Variants in BTBD16 observed in about 807,000 individuals in gnomAD.
BTBD16 encodes the protein BTB domain containing 16, also known as BTB/POZ domain-containing protein 16.
A neutral mutation model predicts 67.4 loss-of-function variants in BTBD16; 66 were observed. That is an observed-to-expected ratio of 0.98 (90% confidence interval 0.80 to 1.20). The LOEUF (loss-of-function observed/expected upper bound fraction) is 1.20, where lower values mean the gene tolerates loss of function less well. Among genes scored for constraint, BTBD16 ranks in the 50% most tolerant of loss-of-function variants. BTBD16 has a pLI of 0.00. For synonymous variants in BTBD16, 242 were observed against 236.4 expected (o/e 1.02, Z -0.22); for missense variants, 634 against 616.0 (o/e 1.03, Z -0.31).
chr10:122,312,309 CTTTTTTT>C (rs58045019), intron 10 of BTBD16, among the ~76,000 whole-genome samples: 39 of 105,592 alleles, frequency 3.7e-4, no homozygotes, highest in Admixed American at 6.2e-4. Context: ...TTTTCTTTTT[CTTTTTTT>C]TTTTTTTTTT....
intron 10 of BTBD16, among the ~76,000 whole-genome samples, chr10:122,318,287 A>G (rs1225271272): frequency 3.9e-5 from 6 of 151,910 alleles, no homozygotes; most frequent in Non-Finnish European, 2.9e-5. Flanking sequence ...ATAATTATTC[A>G]GAGATTCACC....
At chr10:122,330,610 A>G (rs1565029542) in intron 11 of BTBD16, among the ~76,000 whole-genome samples, 3 of 152,204 alleles carry the variant, frequency 2.0e-5, no homozygotes, top group Non-Finnish European at 4.4e-5. Flanking sequence ...TAAATTGTAC[A>G]TTAATATGTA....
In BTBD16 at chr10:122,271,308, G is replaced by A. The variant is rs1018491292; in HGVS notation, c.-249G>A. The A allele has an allele frequency of 6.6e-6, 1 of 152,274 alleles. No homozygotes were observed. The highest frequency in any genetic ancestry group is 1.5e-5 in the Non-Finnish European group (1 of 68,074). The allele number at this position is 152,274 out of a possible 1,614,324, so 9.4% of individuals were successfully genotyped here. ...TGCCGTGGTGCTCACAACCACCCAG[G>A]AAACCAAGGCAAGCTCCCCCTGTCA... On this transcript the variant is annotated 5_prime_UTR_variant, in exon 1 of 16. Coordinates refer to ENST00000260723, the MANE Select transcript of BTBD16 (RefSeq NM_144587.5).
Position 122,307,325 on chromosome 10 carries a change from T to G in BTBD16, c.911+17T>G. 6.3e-7 allele frequency: 1 copy of G among 1,587,690 alleles called. No individual in the cohort carries two copies. Among genetic ancestry groups the G allele is most frequent in the Non-Finnish European group, 8.5e-7 (1 of 1,169,784 alleles). Reference sequence around the variant, plus strand: ...TTTTAAGAGGTAATATAACTTAGTGTTGATTGATGAAATACACAAATACTG... The same window carrying G: ...TTTTAAGAGGTAATATAACTTAGTGGTGATTGATGAAATACACAAATACTG... On this transcript the variant is annotated intron_variant, in intron 10 of 15. Transcript: ENST00000260723.
chr10:122,319,432 T>C (rs563066518), intron 10 of BTBD16, among the ~76,000 whole-genome samples: 349 of 152,296 alleles, frequency 2.3e-3, no homozygotes, highest in Non-Finnish European at 4.3e-3. Flanking sequence ...TTAAGATTCA[T>C]GTTTTGCATA....
At chr10:122,284,053 C>T (rs539206625) in intron 4 of BTBD16, 129 bp downstream of exon 4, 1 of 676,584 alleles carries the variant, frequency 1.5e-6, no homozygotes, top group Admixed American at 2.5e-5. Flanking sequence ...TCATCCACTT[C>T]CCAGCGTCTA....
chr10:122,331,067 T>A, intron 11 of BTBD16, 109 bp from the exon 12 acceptor site: 1 of 1,440,634 alleles, frequency 6.9e-7, no homozygotes, highest in Non-Finnish European at 9.2e-7. Flanking sequence ...CATCCACCCC[T>A]TTCCCTTCCC....
intron 7 of BTBD16, among the ~76,000 whole-genome samples, chr10:122,296,467 A>G (rs1167300158): frequency 1.3e-5 from 2 of 152,130 alleles, no homozygotes; most frequent in South Asian, 2.1e-4. Context: ...GTGTATATCA[A>G]CTGAGTTTAG....
At chr10:122,282,478 A>C (rs991178507) in intron 3 of BTBD16, among the ~76,000 whole-genome samples, 28 of 152,220 alleles carry the variant, frequency 1.8e-4, no homozygotes, top group Non-Finnish European at 5.9e-5. Flanking sequence ...ACCCTGACCC[A>C]TGGGGTCTCC....
At chr10:122,277,002 G>C (rs930025734) in intron 3 of BTBD16, 63 bp downstream of exon 3, 2 of 1,567,088 alleles carry the variant, frequency 1.3e-6, no homozygotes, top group African/African-American at 2.7e-5. Flanking sequence ...GGAGGTGCCT[G>C]ATGACCGGGC....
intron 3 of BTBD16, among the ~76,000 whole-genome samples, chr10:122,280,302 C>T (rs891792762): frequency 6.6e-6 from 1 of 152,140 alleles, no homozygotes; most frequent in African/African-American, 2.4e-5. Flanking sequence ...GGTCCACAGG[C>T]GTGTATGGAT....
chr10:122,290,698 G>A (rs893798458), intron 6 of BTBD16, among the ~76,000 whole-genome samples: 2 of 151,942 alleles, frequency 1.3e-5, no homozygotes, highest in Admixed American at 6.5e-5. Flanking sequence ...AGAATCTGCT[G>A]TAAGATATAT....
At position 122,334,960 on chromosome 10, in the gene BTBD16, C is replaced by T. The variant is rs1292764092; in HGVS notation, c.1244C>T (p.Ser415Phe). 4.6e-6 allele frequency: 7 copies of T among 1,536,840 alleles called. No homozygotes were observed. Among genetic ancestry groups the T allele is most frequent in the Non-Finnish European group, 5.4e-6 (6 of 1,114,868 alleles). The change falls in exon 14 of 16, where the codon TCT becomes TTT. Residue 415 changes from serine to phenylalanine, a missense_variant. Ser to Phe is a radical substitution (Grantham distance 155, BLOSUM62 -2). Transcript: ENST00000260723. ...AAGGGACTCAAACATGATACTACCT[C>T]TTATAGTTTTTACATGCAGGTAAGG... ...KIKGLKHDTT[S>F]YSFYMQRIKH... is the part of the protein sequence containing the mutation.
intron 8 of BTBD16, among the ~76,000 whole-genome samples, chr10:122,298,254 A>C (rs2142078357): frequency 6.6e-6 from 1 of 152,314 alleles, no homozygotes; most frequent in South Asian, 2.1e-4. Context: ...CAGCCTGCCC[A>C]GGGGAACCAG....
Position 122,335,707 on chromosome 10 carries a change from C to T in BTBD16, c.1263+728C>T, listed in dbSNP as rs928393338. 9.2e-5 allele frequency among the ~76,000 whole-genome samples: 14 copies of T among 152,166 alleles called. No homozygotes were observed. In the East Asian group the frequency reaches 1.5e-3, roughly 17 times the overall value. On this transcript the variant is annotated intron_variant, in intron 14 of 15. Transcript: ENST00000260723. ...GGGAAGATGAGGATGATGATGTTGA[C>T]GATGACAATGACAACTATGATGAAA...
chr10:122,305,324 A>G (rs2096401770), intron 9 of BTBD16, among the ~76,000 whole-genome samples: 2 of 152,202 alleles, frequency 1.3e-5, no homozygotes, highest in South Asian at 2.1e-4. Context: ...ATTGAATTGT[A>G]ATCCCCAGTG....
At chr10:122,286,275 G>GGAGC in intron 5 of BTBD16, 27 bp downstream of exon 5, 1 of 1,586,700 alleles carries the variant, frequency 6.3e-7, no homozygotes, top group South Asian at 1.1e-5. Flanking sequence ...ACCCAGTGCT[G>GGAGC]GAGCCCCAGT....
chr10:122,309,721 A>G (rs1590076947), intron 10 of BTBD16, among the ~76,000 whole-genome samples: 1 of 147,970 alleles, frequency 6.8e-6, no homozygotes, highest in Non-Finnish European at 1.5e-5. Flanking sequence ...TGATCCTCCC[A>G]CTTGGCCTCC....
Position 122,297,828 on chromosome 10 carries a change from C to A in BTBD16, c.651C>A (p.Ala217=), listed in dbSNP as rs761013690. 1.9e-6 allele frequency: 3 copies of A among 1,614,086 alleles called. No individual in the cohort carries two copies. The highest frequency in any genetic ancestry group is 1.7e-6 in the Non-Finnish European group (2 of 1,179,994). ...GCACCATCAAGAAATTCTACGAGGC[C>A]GGCTGCAAGGTGAGAACAACCCAGA... is the stretch of plus-strand genomic sequence containing the variant. ...KPSTIKKFYE[A]GCKYKEEQLT... Residue 217 remains alanine, a synonymous_variant, in exon 8 of 16, where the codon GCC becomes GCA. Coordinates refer to ENST00000260723, the MANE Select transcript of BTBD16 (RefSeq NM_144587.5).
Sources: gnomAD v4.1 joint callset for allele counts (sites outside exome capture counted in the v4.1 genomes callset) on GRCh38, gnomAD v4.1.1 for gene constraint, MANE v1.5 for transcripts, NCBI Gene and HGNC (gene_info 2026-07-23, HGNC 2026-07-21) for gene names.